TENM2: variants seen among roughly 807,000 people sequenced by gnomAD.
The protein encoded by TENM2 is teneurin transmembrane protein 2.
TENM2 carries 52 observed loss-of-function variants against 245.2 expected under a neutral mutation model. The observed-to-expected ratio is 0.21, with a 90% CI of 0.17 to 0.27. The LOEUF is 0.27. Ranked by LOEUF, TENM2 falls within the 10% of genes least tolerant of loss-of-function variation. The pLI, the probability that TENM2 is intolerant of heterozygous loss-of-function variation, is 1.00. For missense variants in TENM2, 3,046 were observed against 3,666.8 expected, an observed-to-expected ratio of 0.83 and a Z score of 4.37; for synonymous variants, 1,363 against 1,438.9, an observed-to-expected ratio of 0.95 and a Z score of 1.19.
chr5:167,572,748 C>G (rs1774355862), intron 2 of TENM2, among the ~76,000 whole-genome samples: 1 of 152,174 alleles, frequency 6.6e-6, no homozygotes, highest in African/African-American at 2.4e-5. Context: ...GAAATCATTT[C>G]TTTTCGACTT....
chr5:167,727,508 C>T (rs751910807), intron 2 of TENM2, among the ~76,000 whole-genome samples: 3 of 152,222 alleles, frequency 2.0e-5, no homozygotes, highest in Non-Finnish European at 4.4e-5. Context: ...CTCCATACAT[C>T]TGCAATTTTT....
intron 3 of TENM2, among the ~76,000 whole-genome samples, chr5:167,899,306 G>A (rs1176644178): frequency 1.3e-5 from 2 of 152,120 alleles, no homozygotes; most frequent in Non-Finnish European, 2.9e-5. Flanking sequence ...TTGGGGGATG[G>A]GTGCAGGAAA....
chr5:167,740,758 A>C (rs1359183678), intron 2 of TENM2, among the ~76,000 whole-genome samples: 3 of 152,146 alleles, frequency 2.0e-5, no homozygotes, highest in Non-Finnish European at 2.9e-5. Context: ...ATTCTGCAAG[A>C]CTGATGATCA....
At chr5:168,021,152 A>G (rs1296875531) in intron 5 of TENM2, among the ~76,000 whole-genome samples, 1 of 152,240 alleles carries the variant, frequency 6.6e-6, no homozygotes, top group Non-Finnish European at 1.5e-5. Flanking sequence ...GACCTTGACC[A>G]AAGTTATATC....
the TENM2 span, among the ~76,000 whole-genome samples, chr5:166,986,070 C>A: frequency 9.9e-5 from 15 of 152,014 alleles, no homozygotes; most frequent in Non-Finnish European, 2.1e-4. Context: ...CTTTTGGGGA[C>A]AAAGATGGAA....
At chr5:168,067,458 C>T (rs1408229493) in intron 7 of TENM2, among the ~76,000 whole-genome samples, 1 of 152,080 alleles carries the variant, frequency 6.6e-6, no homozygotes, top group East Asian at 1.9e-4. Context: ...ATGAGTTGAG[C>T]CAACATTTCT....
At chr5:168,227,139 C>T (rs1029458514) in intron 24 of TENM2, among the ~76,000 whole-genome samples, 1 of 152,176 alleles carries the variant, frequency 6.6e-6, no homozygotes, top group East Asian at 1.9e-4. Context: ...TTTGCCCAGA[C>T]AGTCAGGAAG....
At chr5:167,686,755 A>G (rs568185405) in intron 2 of TENM2, among the ~76,000 whole-genome samples, 3 of 152,348 alleles carry the variant, frequency 2.0e-5, no homozygotes, top group Admixed American at 2.0e-4. Flanking sequence ...TGGAGCCATT[A>G]GAGATGACTT....
chr5:167,888,512 C>T (rs991945878), intron 3 of TENM2, among the ~76,000 whole-genome samples: 2 of 152,190 alleles, frequency 1.3e-5, no homozygotes, highest in African/African-American at 2.4e-5. Flanking sequence ...TTCTCACATG[C>T]TGGCTCCCTC....
chr5:167,402,212 G>T (rs143579778), intron 2 of TENM2, among the ~76,000 whole-genome samples: 106 of 152,210 alleles, frequency 7.0e-4, no homozygotes, highest in African/African-American at 2.4e-3. Flanking sequence ...TGACAAAAGA[G>T]AATATAAATA....
chr5:167,808,336 T>C (rs574160549), intron 2 of TENM2, among the ~76,000 whole-genome samples: 1 of 152,306 alleles, frequency 6.6e-6, no homozygotes, highest in South Asian at 2.1e-4. Context: ...CTTGGCCCAC[T>C]GAACTCTCTG....
At chr5:167,913,080 A>G (rs752371990) in intron 3 of TENM2, among the ~76,000 whole-genome samples, 5 of 152,142 alleles carry the variant, frequency 3.3e-5, no homozygotes, top group South Asian at 4.1e-4. Flanking sequence ...AAAACTATGC[A>G]GCAACCTCAG....
At chr5:168,028,009 A>G (rs762677010) in intron 5 of TENM2, among the ~76,000 whole-genome samples, 5 of 152,216 alleles carry the variant, frequency 3.3e-5, no homozygotes, top group Non-Finnish European at 5.9e-5. Flanking sequence ...AGGATTTACG[A>G]GAATCAACAC....
intron 2 of TENM2, among the ~76,000 whole-genome samples, chr5:167,545,968 A>T (rs990967626): frequency 1.3e-5 from 2 of 152,254 alleles, no homozygotes; most frequent in African/African-American, 4.8e-5. Flanking sequence ...TTTGCAAATA[A>T]TAACATAGTT....
chr5:167,285,805 A>G lies in TENM2; in HGVS notation c.226+742A>G, dbSNP rs1196465755. Among the ~76,000 whole-genome samples, 3 of 152,230 alleles carry G rather than the reference A, an allele frequency of 2.0e-5. No individual in the cohort carries two copies. In the East Asian group the frequency reaches 5.8e-4, roughly 29 times the overall value. The stretch of plus-strand genomic sequence containing the variant: ...TACATTGATGGCTCAGCAAAATTAC[A>G]GGCAAACGCACAAAACTGTACCGAA... On this transcript the variant is annotated intron_variant, in intron 1 of 28. Coordinates refer to ENST00000518659, the Ensembl canonical transcript of TENM2.
At chr5:167,692,619 C>G (rs1757505006) in intron 2 of TENM2, among the ~76,000 whole-genome samples, 1 of 152,162 alleles carries the variant, frequency 6.6e-6, no homozygotes, top group Admixed American at 6.5e-5. Flanking sequence ...ATATATACCT[C>G]CAAGCCACTT....
chr5:167,851,750 T>G (rs1293216839), intron 2 of TENM2, among the ~76,000 whole-genome samples: 3 of 152,204 alleles, frequency 2.0e-5, no homozygotes, highest in African/African-American at 7.2e-5. Flanking sequence ...CTCTCTTGTT[T>G]GGGAGGAAGA....
the TENM2 span, among the ~76,000 whole-genome samples, chr5:167,110,999 CT>C: frequency 7.4e-3 from 1,119 of 152,240 alleles, 12 homozygotes; most frequent in African/African-American, 0.026. Flanking sequence ...CTCTCTTTTT[CT>C]CTCAAAATGA....
intron 1 of TENM2, among the ~76,000 whole-genome samples, chr5:167,326,702 AAT>A (rs70976411): frequency 0.44 from 62,210 of 143,006 alleles, 13,532 homozygotes; most frequent in Admixed American, 0.48. Context: ...ATAATAAATA[AAT>A]ATATATATAT....
Sources: gnomAD v4.1 joint callset for allele counts (sites outside exome capture counted in the v4.1 genomes callset) on GRCh38, gnomAD v4.1.1 for gene constraint, MANE v1.5 for transcripts, NCBI Gene and HGNC (gene_info 2026-07-23, HGNC 2026-07-21) for gene names.